Variants in UNC13B observed in about 807,000 individuals in gnomAD.
UNC13B encodes the protein unc-13 homolog B, also known as protein unc-13 homolog B.
UNC13B carries 144 observed loss-of-function variants against 211.0 expected under a neutral mutation model. The observed-to-expected ratio is 0.68, with a 90% CI of 0.60 to 0.78. UNC13B has a LOEUF of 0.78. Among genes scored for constraint, UNC13B ranks in the 30% least tolerant of loss-of-function variants. UNC13B has a pLI of 0.00. For synonymous variants in UNC13B, 709 were observed against 725.8 expected (o/e 0.98, Z 0.37); for missense variants, 1,777 against 2,002.0 (o/e 0.89, Z 2.14).
intron 1 of UNC13B, among the ~76,000 whole-genome samples, chr9:35,214,816 A>G (rs565003963): frequency 1.3e-5 from 2 of 152,372 alleles, no homozygotes; most frequent in South Asian, 2.1e-4. Flanking sequence ...AGAAATTACT[A>G]TCTAGAATTT....
At chr9:35,251,327 A>G (rs1469089031) in intron 6 of UNC13B, among the ~76,000 whole-genome samples, 2 of 151,910 alleles carry the variant, frequency 1.3e-5, no homozygotes, top group Admixed American at 6.6e-5. Context: ...GGCTCATGCC[A>G]GTAATCCCAG....
At chr9:35,198,390 A>G (rs556080091) in intron 1 of UNC13B, among the ~76,000 whole-genome samples, 3 of 152,290 alleles carry the variant, frequency 2.0e-5, no homozygotes, top group South Asian at 4.1e-4. Flanking sequence ...TTCTGCCATG[A>G]TCATACGTTT....
rs1825044179 is a variant in UNC13B at position 35,229,029 on chromosome 9, C to T, written c.52+985C>T. 3.3e-5 allele frequency among the ~76,000 whole-genome samples: 5 copies of T among 152,106 alleles called. No individual in the cohort carries two copies. The South Asian group carries it at 1.0e-3, about 32-fold the overall frequency. ...CAAATTGTTCTCTTGCAAGTTTTTA[C>T]TATATATACCGAGACCAAAAGTTTA... On this transcript the variant is annotated intron_variant, in intron 2 of 39. Transcript: ENST00000635942.
At position 35,249,312 on chromosome 9, in the gene UNC13B, T is replaced by C. The variant is rs568436039; in HGVS notation, c.468+5948T>C. ...GATGAGTCTTGACTCTTTATCCAAT[T>C]TGCCAGTCTGTGTCTTTTAATTGGA... On this transcript the variant is annotated intron_variant, in intron 6 of 39. Transcript: ENST00000635942. Among the ~76,000 whole-genome samples, 7 of 152,330 alleles carry C rather than the reference T, an allele frequency of 4.6e-5. No homozygotes were observed. The South Asian group carries it at 1.5e-3, about 32-fold the overall frequency.
intron 7 of UNC13B, among the ~76,000 whole-genome samples, chr9:35,262,990 G>A (rs1040323317): frequency 4.6e-5 from 7 of 152,050 alleles, no homozygotes; most frequent in African/African-American, 1.7e-4. Context: ...GGTCATTTAT[G>A]ATATTGATCT....
At chr9:35,236,629 C>T in intron 4 of UNC13B, 43 bp downstream of exon 4, 2 of 1,527,622 alleles carry the variant, frequency 1.3e-6, no homozygotes, top group Admixed American at 1.7e-5. Flanking sequence ...GTTCCCAGCC[C>T]ATGCTTCTCC....
chr9:35,397,434 C>T, intron 29 of UNC13B, 124 bp downstream of exon 29: 1 of 1,469,726 alleles, frequency 6.8e-7, no homozygotes, highest in Non-Finnish European at 9.3e-7. Flanking sequence ...CCCCATTCTC[C>T]TTTGCTGGTT....
intron 1 of UNC13B, among the ~76,000 whole-genome samples, chr9:35,216,782 G>A (rs768341524): frequency 7.2e-5 from 11 of 152,078 alleles, no homozygotes; most frequent in African/African-American, 1.9e-4. Flanking sequence ...TAATAATTAC[G>A]TTAAATGTAA....
chr9:35,297,561 T>TTTTTTTGTTTTTTGTTTTTTTG (rs1554698742), intron 8 of UNC13B, among the ~76,000 whole-genome samples: 1 of 128,164 alleles, frequency 7.8e-6, no homozygotes, highest in Non-Finnish European at 1.7e-5. Context: ...TTTTTTTTTT[T>TTTTTTTGTTTTTTGTTTTTTTG]TTTTTTGAGA....
Position 35,304,687 on chromosome 9 carries a change from A to G in UNC13B, c.5283A>G (p.Ser1761=). Residue 1761 remains serine (S), a synonymous_variant, in exon 9 of 40, where the codon TCA becomes TCG. Coordinates refer to ENST00000635942, the MANE Select transcript of UNC13B (RefSeq NM_001371189.2). ...CAGTATTTTCTGTTTTGGGTGCCTC[A>G]GTTGGTAGTACTTTGAAGTTTGATA... ...VASVFSVLGA[S]VGSTLKFDKS... 1 of 398,812 alleles carries G rather than the reference A, an allele frequency of 2.5e-6. No individual in the cohort carries two copies. Among genetic ancestry groups the G allele is most frequent in the Non-Finnish European group, 4.4e-6 (1 of 225,934 alleles). The allele number at this position is 398,812 out of a possible 1,614,324, so 24.7% of individuals were successfully genotyped here. A position where few individuals can be genotyped will look rare whatever the true frequency, so the allele number is the denominator to read the frequency against.
Position 35,399,012 on chromosome 9 carries a change from C to T in UNC13B, c.12052C>T (p.Leu4018Phe). 1.2e-6 allele frequency: 2 copies of T among 1,614,098 alleles called. No homozygotes were observed. Among genetic ancestry groups the T allele is most frequent in the South Asian group, 2.2e-5 (2 of 91,088 alleles). The change falls in exon 33 of 40, where the codon CTC (leucine) becomes TTC (phenylalanine). Residue 4018 changes from leucine (L) to phenylalanine (F), a missense_variant. Physicochemically the swap from Leu to Phe is conservative, Grantham distance 22. Transcript: ENST00000635942. ...GGATGCAGATAGCGTACTCCGGCCT[C>T]TCATGGACTTCCTGGATGGCAAGTG... The part of the protein sequence containing the change: ...AQDADSVLRP[L>F]MDFLDGNLTL...
chr9:35,254,919 CATATATAATATAAT>C (rs1826737644), intron 6 of UNC13B, among the ~76,000 whole-genome samples: 1 of 78,080 alleles, frequency 1.3e-5, no homozygotes, highest in Non-Finnish European at 2.7e-5. Flanking sequence ...ATATAATATA[CATATATAATATAAT>C]ATATATTAAT....
In UNC13B at chr9:35,301,024, T is replaced by C. The variant is rs2131824502; in HGVS notation, c.1620T>C (p.Phe540=). Residue 540 remains phenylalanine, a synonymous_variant, in exon 9 of 40, where the codon TTT becomes TTC. Coordinates refer to ENST00000635942, the MANE Select transcript of UNC13B (RefSeq NM_001371189.2). ...TACAATGTGCTGTTGGTTCTTTGTT[T>C]AGTTCACTCACAGAAAAAGTGGGTT... is the stretch of plus-strand genomic sequence containing the variant. The part of the protein sequence containing the change: ...TGVQCAVGSL[F]SSLTEKVGSG... 1 of 398,972 alleles carries C rather than the reference T, an allele frequency of 2.5e-6. No individual in the cohort carries two copies. Among genetic ancestry groups the C allele is most frequent in the East Asian group, 3.6e-5 (1 of 28,070 alleles). 24.7% of individuals were successfully genotyped at this position (398,972 alleles called of 1,614,324 possible).
At chr9:35,256,530 A>G (rs1270721563) in intron 6 of UNC13B, among the ~76,000 whole-genome samples, 3 of 151,972 alleles carry the variant, frequency 2.0e-5, no homozygotes, top group Non-Finnish European at 2.9e-5. Flanking sequence ...TTTTTTAAGC[A>G]TTTTTGTCAT....
intron 2 of UNC13B, among the ~76,000 whole-genome samples, chr9:35,229,061 T>C (rs1334297085): frequency 6.6e-6 from 1 of 152,192 alleles, no homozygotes; most frequent in African/African-American, 2.4e-5. Flanking sequence ...TTTATGAACA[T>C]TTATTTTCCC....
intron 18 of UNC13B, 151 bp from the exon 19 acceptor site, chr9:35,380,949 C>T: frequency 1.4e-6 from 1 of 725,012 alleles, no homozygotes; most frequent in South Asian, 1.9e-5. Flanking sequence ...TATGTGGTCA[C>T]TGGAGTGATT....
chr9:35,390,580 C>A, intron 25 of UNC13B, 49 bp from the exon 26 acceptor site: 2 of 1,593,016 alleles, frequency 1.3e-6, no homozygotes, highest in South Asian at 2.2e-5. Flanking sequence ...TGAATCAAAT[C>A]AAATGGCTCT....
At chr9:35,257,422 A>ATATTTATATAAATATTTATAAAAATATTT (rs1277030520) in intron 6 of UNC13B, among the ~76,000 whole-genome samples, 1 of 130,256 alleles carries the variant, frequency 7.7e-6, no homozygotes, top group South Asian at 2.4e-4. Flanking sequence ...ATTTATAAAA[A>ATATTTATATAAATATTTATAAAAATATTT]ATATAAATAT....
chr9:35,171,588 A>G (rs1821335501), intron 1 of UNC13B, among the ~76,000 whole-genome samples: 1 of 151,960 alleles, frequency 6.6e-6, no homozygotes, highest in African/African-American at 2.4e-5. Context: ...ATTTTTTTGT[A>G]GAGATGGGTC....
Sources: allele counts gnomAD v4.1 joint callset (sites outside exome capture counted in the v4.1 genomes callset), GRCh38; gene constraint gnomAD v4.1.1; transcripts MANE v1.5; gene names NCBI Gene and HGNC (gene_info 2026-07-23, HGNC 2026-07-21).